The following YIPF3 variants were observed in gnomAD, a reference collection of about 807,000 sequenced individuals.
YIPF3 encodes the protein protein YIPF3.
YIPF3 carries 18 observed loss-of-function variants against 40.3 expected under a neutral mutation model. That is an observed-to-expected ratio of 0.45 (90% CI 0.31 to 0.66). The LOEUF (loss-of-function observed/expected upper bound fraction) is 0.66. Among genes scored for constraint, YIPF3 ranks in the 30% least tolerant of loss-of-function variants. The pLI is 0.07. For synonymous variants in YIPF3, 190 were observed against 179.6 expected (o/e 1.06, Z -0.46); for missense variants, 406 against 452.2 (o/e 0.90, Z 0.93).
Position 43,516,752 on chromosome 6 carries a change from C to T in YIPF3, c.56G>A (p.Trp19Ter). ...CTGGATGTTTTCTTCGAACCCTCCCCATTCCGGGCCAGCTCCATTTCGGGC... is the reference window on the plus strand; with the variant it reads ...CTGGATGTTTTCTTCGAACCCTCCCTATTCCGGGCCAGCTCCATTTCGGGC... Reference protein sequence around the residue: ...GGARNGAGPEWGGFEENIQGG... With the variant: ...GGARNGAGPE The change falls in exon 1 of 9, where the codon TGG (tryptophan) becomes TAG (stop). Residue 19 changes from tryptophan to a stop codon, truncating the protein, a stop_gained. Coordinates refer to ENST00000372422, the MANE Select transcript of YIPF3 (RefSeq NM_015388.4). LOFTEE classifies it high-confidence loss of function. 1 of 1,605,892 alleles carries T rather than the reference C, an allele frequency of 6.2e-7. No homozygotes were observed. The highest frequency in any genetic ancestry group is 8.5e-7 in the Non-Finnish European group (1 of 1,176,538).
chr6:43,516,552 T>A (rs1445818992), intron 1 of YIPF3, 175 bp downstream of exon 1: 5 of 721,094 alleles, frequency 6.9e-6, no homozygotes, highest in Non-Finnish European at 1.1e-5. Flanking sequence ...GCTGGAGTAG[T>A]AGTCTGGCCC....
Position 43,513,376 on chromosome 6 carries a change from T to C in YIPF3, c.517A>G (p.Thr173Ala), listed in dbSNP as rs774456307. Residue 173 changes from threonine to alanine, a missense_variant, in exon 5 of 9, where the codon ACG becomes GCG. By Grantham distance (58) the Thr-to-Ala change is moderately conservative (BLOSUM62 0). Coordinates refer to ENST00000372422, the MANE Select transcript of YIPF3 (RefSeq NM_015388.4). ...LVAILLHGMK[T>A]SDTIIREGTL... is the part of the protein sequence containing the mutation. The stretch of plus-strand genomic sequence containing the variant: ...CTGCTTACGATAATAGTGTCAGACG[T>C]CTTCATCCCATGGAGTAGGATAGCA... The C allele has an allele frequency of 6.2e-6, 10 of 1,614,190 alleles. No individual in the cohort carries two copies. The highest frequency in any genetic ancestry group is 3.3e-5 in the Admixed American group (2 of 60,016).
In YIPF3 at chr6:43,512,118, CCT is replaced by C; in HGVS notation, c.*47_*48del. ...AGGACTGTCCTTTAATAGTCTTCCTCCTCTCTGCAGCTGCGGGAAAGAGGACT... is the reference window on the plus strand; with the variant it reads ...AGGACTGTCCTTTAATAGTCTTCCTCCTCTGCAGCTGCGGGAAAGAGGACT... On this transcript the variant is annotated 3_prime_UTR_variant, in exon 9 of 9. Coordinates refer to ENST00000372422, the MANE Select transcript of YIPF3 (RefSeq NM_015388.4). 1.2e-6 allele frequency: 2 copies of C among 1,611,902 alleles called. No individual in the cohort carries two copies. The highest frequency in any genetic ancestry group is 2.2e-5 in the South Asian group (2 of 90,740).
In YIPF3 at chr6:43,512,519, C is replaced by T. The variant is rs1318725752; in HGVS notation, c.825G>A (p.Leu275=). ...VSRTVGPTQR[L]LLCGTLAALH... ...GGGCAGCCAGGGTGCCACAGAGGAG[C>T]AGCCGCTGTGTGGGGCCCACGGTCC... Residue 275 remains leucine (L), a synonymous_variant, in exon 8 of 9, where the codon CTG becomes CTA. Transcript: ENST00000372422. 1.2e-6 allele frequency: 2 copies of T among 1,612,922 alleles called. No individual in the cohort carries two copies. Among genetic ancestry groups the T allele is most frequent in the Non-Finnish European group, 1.7e-6 (2 of 1,179,962 alleles).
Position 43,512,164 on chromosome 6 carries a change from G to C in YIPF3, c.*3C>G. ...GAGGACTGGCCAAGAATTTCAGGTGGGGTCAGTGTGACTGCAGGGTCACCG... is the reference window on the plus strand; with the variant it reads ...GAGGACTGGCCAAGAATTTCAGGTGCGGTCAGTGTGACTGCAGGGTCACCG... On this transcript the variant is annotated 3_prime_UTR_variant, in exon 9 of 9. Transcript: ENST00000372422. The C allele has an allele frequency of 1.2e-6, 2 of 1,614,198 alleles. No homozygotes were observed. Among genetic ancestry groups the C allele is most frequent in the South Asian group, 1.1e-5 (1 of 91,084 alleles).
intron 2 of YIPF3, 67 bp from the exon 3 acceptor site, chr6:43,515,768 C>G (rs1309956949): frequency 6.2e-7 from 1 of 1,605,708 alleles, no homozygotes; most frequent in Non-Finnish European, 8.5e-7. Flanking sequence ...GCCTATTTTC[C>G]GTTTGATTTC....
rs1376262845 is a variant in YIPF3, at chr6:43,513,284, T to G, written c.534+75A>C. 3.1e-6 allele frequency: 5 copies of G among 1,612,894 alleles called. No individual in the cohort carries two copies. The Admixed American group carries it at 6.7e-5, about 22-fold the overall frequency. ...GCCTTCCGCAGGGGCTGTTCCTGTC[T>G]CACTCCACCATTGTATCCTCAGGCA... On this transcript the variant is annotated intron_variant, in intron 5 of 8. Coordinates refer to ENST00000372422, the MANE Select transcript of YIPF3 (RefSeq NM_015388.4).
At position 43,511,994 on chromosome 6, in the gene YIPF3, G is replaced by A. The variant is rs2127682749; in HGVS notation, c.*173C>T. The stretch of plus-strand genomic sequence containing the variant: ...CTTGCAGTCCTGGCCAGGAGTTCTT[G>A]GCCTTGTGCCTTTCAGAAGTGCCGA... On this transcript the variant is annotated 3_prime_UTR_variant, in exon 9 of 9. Transcript: ENST00000372422. 2 of 1,059,296 alleles carry A rather than the reference G, an allele frequency of 1.9e-6. No individual in the cohort carries two copies. The highest frequency in any genetic ancestry group is 2.7e-6 in the Non-Finnish European group (2 of 744,008). 65.6% of individuals were successfully genotyped at this position (1,059,296 alleles called of 1,614,324 possible).
intron 1 of YIPF3, chr6:43,516,451 T>A: frequency 1.6e-6 from 1 of 612,074 alleles, no homozygotes; most frequent in Non-Finnish European, 2.8e-6. Context: ...CCAACCCCAC[T>A]CCATGCCTTA....
intron 1 of YIPF3, 186 bp downstream of exon 1, chr6:43,516,541 G>T: frequency 2.9e-6 from 2 of 688,170 alleles, no homozygotes; most frequent in Non-Finnish European, 4.7e-6. Context: ...GAGATCCTCA[G>T]GCTGGAGTAG....
intron 1 of YIPF3, 175 bp from the exon 2 acceptor site, chr6:43,516,270 C>G: frequency 7.2e-7 from 1 of 1,384,606 alleles, no homozygotes; most frequent in African/African-American, 1.5e-5. Flanking sequence ...TGGTTTCTAG[C>G]TTTGGCTATC....
chr6:43,516,896 G>C lies in YIPF3; in HGVS notation c.-89C>G, dbSNP rs1018234440. 1 of 1,426,228 alleles carries C rather than the reference G, an allele frequency of 7.0e-7. No homozygotes were observed. The highest frequency in any genetic ancestry group is 9.7e-7 in the Non-Finnish European group (1 of 1,035,388). The allele number at this position is 1,426,228 out of a possible 1,614,324, so 88.3% of individuals were successfully genotyped here. A position where few individuals can be genotyped will look rare whatever the true frequency, so the allele number is the denominator to read the frequency against. On this transcript the variant is annotated 5_prime_UTR_variant, in exon 1 of 9. Transcript: ENST00000372422. ...GGGCCTCCGGAAGGTAGACGTCCAG[G>C]GTCGAGGAGAGGTGGGATCGGCCGG...
Position 43,513,353 on chromosome 6 carries a change from G to A in YIPF3, c.534+6C>T. 2.5e-6 allele frequency: 4 copies of A among 1,614,136 alleles called. No individual in the cohort carries two copies. The highest frequency in any genetic ancestry group is 3.4e-6 in the Non-Finnish European group (4 of 1,179,990). On this transcript the variant is annotated splice_donor_region_variant and intron_variant, in intron 5 of 8. Coordinates refer to ENST00000372422, the MANE Select transcript of YIPF3 (RefSeq NM_015388.4). ...CCACCCCCCCAAAGTTGTCTGTCCT[G>A]CTTACGATAATAGTGTCAGACGTCT...
At chr6:43,514,793 G>A (rs1223908921) in intron 3 of YIPF3, among the ~76,000 whole-genome samples, 2 of 152,114 alleles carry the variant, frequency 1.3e-5, no homozygotes, top group Non-Finnish European at 2.9e-5. Flanking sequence ...AACCAAGCCA[G>A]GATTAAATCT....
Position 43,515,989 on chromosome 6 carries a change from T to G in YIPF3, c.188A>C (p.Asp63Ala), listed in dbSNP as rs1792812886. The G allele has an allele frequency of 6.2e-7, 1 of 1,613,946 alleles. No individual in the cohort carries two copies. Among genetic ancestry groups the G allele is most frequent in the Admixed American group, 1.7e-5 (1 of 60,012 alleles). ...AGCAGCTGCATCAGCTGCATCAGCG[T>G]CTACTTCTTCCTCGCGCAGGCGCTG... ...LHQRLREEEV[D>A]ADAADAAAAE... The change falls in exon 2 of 9, where the codon GAC becomes GCC. Residue 63 changes from aspartate to alanine, a missense_variant. Asp to Ala is a moderately radical substitution (Grantham distance 126). Coordinates refer to ENST00000372422, the MANE Select transcript of YIPF3 (RefSeq NM_015388.4).
chr6:43,512,210 T>C lies in YIPF3; in HGVS notation c.1010A>G (p.Asn337Ser). Residue 337 changes from asparagine (N) to serine (S), a missense_variant, in exon 9 of 9, where the codon AAC becomes AGC. By Grantham distance (46) the Asn-to-Ser change is conservative (BLOSUM62 1). Coordinates refer to ENST00000372422, the MANE Select transcript of YIPF3 (RefSeq NM_015388.4). ...PAARLPTTVL[N>S]ATAKAVAVTL... ...CACCGCAACAGCTTTGGCTGTGGCG[T>C]TGAGGACGGTGGTGGGAAGCCGAGC... 1.2e-6 allele frequency: 2 copies of C among 1,614,102 alleles called. No homozygotes were observed. Among genetic ancestry groups the C allele is most frequent in the East Asian group, 2.2e-5 (1 of 44,886 alleles).
At chr6:43,515,834 C>T in intron 2 of YIPF3, 55 bp downstream of exon 2, 1 of 1,589,364 alleles carries the variant, frequency 6.3e-7, no homozygotes, top group Non-Finnish European at 8.6e-7. Flanking sequence ...AATTCCAGAA[C>T]ACGGGACATA....
Position 43,512,275 on chromosome 6 carries a change from G to C in YIPF3, c.945C>G (p.Ile315Met). Reference sequence around the variant, plus strand: ...CAGGGATGTCTCTGGGGACCCTCTGGATGGGCGGGATGTTGGGGCCCTCCA... The same window carrying C: ...CAGGGATGTCTCTGGGGACCCTCTGCATGGGCGGGATGTTGGGGCCCTCCA... Reference protein sequence around the residue: ...DTLEGPNIPPIQRVPRDIPAM... With the variant: ...DTLEGPNIPPMQRVPRDIPAM... Residue 315 changes from isoleucine to methionine, a missense_variant, in exon 9 of 9, where the codon ATC becomes ATG. Transcript: ENST00000372422. The C allele has an allele frequency of 6.2e-7, 1 of 1,611,984 alleles. No individual in the cohort carries two copies. The highest frequency in any genetic ancestry group is 8.5e-7 in the Non-Finnish European group (1 of 1,178,802).
chr6:43,513,079 A>C lies in YIPF3; in HGVS notation c.656T>G (p.Leu219Trp), dbSNP rs1303133606. The change falls in exon 6 of 9, where the codon TTG (leucine) becomes TGG (tryptophan). Residue 219 changes from leucine to tryptophan, a missense_variant. By Grantham distance (61) the Leu-to-Trp change is moderately conservative. Coordinates refer to ENST00000372422, the MANE Select transcript of YIPF3 (RefSeq NM_015388.4). Reference sequence around the variant, plus strand: ...CACCTGGCTCCTTACCAGCAGTGCCAACATCTGCAGCATGGTGATCTGGGC... The same window carrying C: ...CACCTGGCTCCTTACCAGCAGTGCCCACATCTGCAGCATGGTGATCTGGGC... ...CNAQITMLQM[L>W]ALLGYGLFGH... 6.2e-7 allele frequency: 1 copy of C among 1,613,964 alleles called. No homozygotes were observed. The highest frequency in any genetic ancestry group is 1.3e-5 in the African/African-American group (1 of 74,930).
Sources: allele counts gnomAD v4.1 joint callset (sites outside exome capture counted in the v4.1 genomes callset), GRCh38; gene constraint gnomAD v4.1.1; transcripts MANE v1.5; gene names NCBI Gene and HGNC (gene_info 2026-07-23, HGNC 2026-07-21).